The following PPARG variants were observed in gnomAD, a reference collection of about 807,000 sequenced individuals.
PPARG encodes the protein peroxisome proliferator-activated receptor gamma.
In PPARG, 17 loss-of-function variants were observed where a neutral mutation model predicts 39.2. The observed-to-expected ratio is 0.43, with a 90% confidence interval of 0.30 to 0.65. The LOEUF is 0.65. Ranked by LOEUF, PPARG falls within the 30% of genes least tolerant of loss-of-function variation. PPARG has a pLI of 0.13. For missense variants in PPARG, 406 were observed against 585.9 expected (o/e 0.69, Z 3.17); for synonymous variants, 223 against 215.7 (o/e 1.03, Z -0.30).
At chr3:12,306,823 G>A (rs1425081265) in intron 1 of PPARG, among the ~76,000 whole-genome samples, 5 of 152,070 alleles carry the variant, frequency 3.3e-5, no homozygotes, top group African/African-American at 7.2e-5. Flanking sequence ...TGGGCCGGGC[G>A]CGGTGGCTCA....
chr3:12,299,610 C>G (rs2046878137), intron 1 of PPARG, among the ~76,000 whole-genome samples: 1 of 152,054 alleles, frequency 6.6e-6, no homozygotes, highest in South Asian at 2.1e-4. Flanking sequence ...ATCCAAATGA[C>G]AAGAGGATTA....
chr3:12,350,028 G>C (rs754754885), intron 2 of PPARG, among the ~76,000 whole-genome samples: 1 of 152,180 alleles, frequency 6.6e-6, no homozygotes, highest in Non-Finnish European at 1.5e-5. Flanking sequence ...AAGAGTAACA[G>C]AGACTGGTAT....
At chr3:12,419,126 G>A (rs2051174715) in intron 7 of PPARG, among the ~76,000 whole-genome samples, 1 of 151,890 alleles carries the variant, frequency 6.6e-6, no homozygotes, top group Admixed American at 6.6e-5. Flanking sequence ...TGTATTTTTA[G>A]TAGAGACGGG....
At chr3:12,433,809 CT>C in intron 7 of PPARG, 88 bp from the exon 8 acceptor site, 1 of 1,584,526 alleles carries the variant, frequency 6.3e-7, no homozygotes, top group Non-Finnish European at 8.7e-7. Flanking sequence ...AGATGAGTTG[CT>C]TGGTAGAGCT....
At chr3:12,358,518 A>G (rs1189166251) in intron 2 of PPARG, among the ~76,000 whole-genome samples, 3 of 152,210 alleles carry the variant, frequency 2.0e-5, no homozygotes, top group African/African-American at 7.2e-5. Context: ...CATTAGCAAT[A>G]AAGTATGCCT....
intron 7 of PPARG, among the ~76,000 whole-genome samples, chr3:12,425,151 C>G (rs1400726561): frequency 6.6e-6 from 1 of 152,072 alleles, no homozygotes; most frequent in Non-Finnish European, 1.5e-5. Context: ...GGAAAGAGAT[C>G]CTGGAGGAAG....
intron 1 of PPARG, among the ~76,000 whole-genome samples, chr3:12,307,051 T>G (rs1433146690): frequency 7.7e-6 from 1 of 130,442 alleles, no homozygotes; most frequent in Non-Finnish European, 1.5e-5. Flanking sequence ...TGAGCCGAGA[T>G]CGCGCCACTG....
At chr3:12,356,276 GTAAC>G (rs1482457557) in intron 2 of PPARG, among the ~76,000 whole-genome samples, 1 of 152,162 alleles carries the variant, frequency 6.6e-6, no homozygotes, top group African/African-American at 2.4e-5. Context: ...TTTTGCACCT[GTAAC>G]TAATTTAAAG....
chr3:12,363,705 T>C (rs892899615), intron 2 of PPARG, among the ~76,000 whole-genome samples: 1 of 152,172 alleles, frequency 6.6e-6, no homozygotes, highest in Non-Finnish European at 1.5e-5. Flanking sequence ...CCCTCCTTTC[T>C]GAGTCATTAC....
rs965366696 is a variant in PPARG at position 12,434,299 on chromosome 3, A to C, written c.*154A>C. The C allele has an allele frequency of 6.1e-6, 6 of 977,062 alleles. No homozygotes were observed. The African/African-American group carries it at 9.9e-5, about 16-fold the overall frequency. The allele number at this position is 977,062 out of a possible 1,614,324, so 60.5% of individuals were successfully genotyped here. ...TTTTATGCATATTGTTTATAAAGAC[A>C]CATTTACAATTTACTTTTAATATTA... On this transcript the variant is annotated 3_prime_UTR_variant, in exon 8 of 8. Transcript: ENST00000651735. This position sits in a 1 kb window ranked among gnomAD's most constrained non-coding sequence, Gnocchi z 4.2.
At chr3:12,308,801 T>A (rs2047148196) in intron 1 of PPARG, among the ~76,000 whole-genome samples, 1 of 151,692 alleles carries the variant, frequency 6.6e-6, no homozygotes, top group Non-Finnish European at 1.5e-5. Flanking sequence ...ACTGAGAAAA[T>A]AGAATTGAAG....
At chr3:12,292,876 C>G (rs1028134997) in intron 1 of PPARG, among the ~76,000 whole-genome samples, 1 of 152,186 alleles carries the variant, frequency 6.6e-6, no homozygotes, top group Non-Finnish European at 1.5e-5. Context: ...AAACTGCACA[C>G]TGGACTGGCA....
chr3:12,350,746 AT>A (rs2048460628), intron 2 of PPARG, among the ~76,000 whole-genome samples: 1 of 152,118 alleles, frequency 6.6e-6, no homozygotes, highest in Non-Finnish European at 1.5e-5. Context: ...AGAGAACTCC[AT>A]TTTTTCATTA....
At chr3:12,382,516 A>T (rs1199652142) in intron 4 of PPARG, among the ~76,000 whole-genome samples, 1 of 152,224 alleles carries the variant, frequency 6.6e-6, no homozygotes, top group Non-Finnish European at 1.5e-5. Flanking sequence ...ATACAGAACA[A>T]CAGTTAGGAA....
At chr3:12,381,199 A>T in intron 3 of PPARG, 123 bp from the exon 4 acceptor site, 1 of 990,024 alleles carries the variant, frequency 1.0e-6, no homozygotes, top group Admixed American at 2.1e-5. Flanking sequence ...TTCATGTTCC[A>T]CTGTGCTTTT....
intron 7 of PPARG, among the ~76,000 whole-genome samples, chr3:12,427,616 T>G (rs1181882211): frequency 6.6e-6 from 1 of 152,200 alleles, no homozygotes; most frequent in Non-Finnish European, 1.5e-5. Context: ...AAACTAAGCC[T>G]AAACCCAGAA....
At chr3:12,362,709 T>G (rs1438479367) in intron 2 of PPARG, among the ~76,000 whole-genome samples, 1 of 152,072 alleles carries the variant, frequency 6.6e-6, no homozygotes, top group Non-Finnish European at 1.5e-5. Context: ...TGAGTAGAAG[T>G]AATGATAGTA....
At chr3:12,389,174 G>T (rs2049981792) in intron 4 of PPARG, among the ~76,000 whole-genome samples, 1 of 152,152 alleles carries the variant, frequency 6.6e-6, no homozygotes, top group South Asian at 2.1e-4. Context: ...ACTTTTGCCA[G>T]TGTAATTATA....
chr3:12,297,884 C>G (rs1032160974), intron 1 of PPARG: 25 of 152,060 alleles, frequency 1.6e-4, no homozygotes, highest in African/African-American at 4.8e-4. Flanking sequence ...CCCAGTTTTC[C>G]TGCTGCTGAC....
Sources: gnomAD v4.1 joint callset for allele counts (sites outside exome capture counted in the v4.1 genomes callset) on GRCh38, gnomAD v4.1.1 for gene constraint, Gnocchi (gnomAD v3.1) non-coding constraint, MANE v1.5 for transcripts, NCBI Gene and HGNC (gene_info 2026-07-23, HGNC 2026-07-21) for gene names.